BLOC1S6: variants seen among roughly 807,000 people sequenced by gnomAD.
The protein encoded by BLOC1S6 is biogenesis of lysosomal organelles complex 1 subunit 6.
BLOC1S6 carries 24 observed loss-of-function variants against 24.7 expected under a neutral mutation model. The ratio of observed to expected loss-of-function variants is 0.97; its 90% CI spans 0.70 to 1.37. The LOEUF (loss-of-function observed/expected upper bound fraction) is 1.37. Ranked by LOEUF, BLOC1S6 falls within the 40% of genes most tolerant of loss-of-function variation. BLOC1S6 has a pLI of 0.00. For synonymous variants in BLOC1S6, 76 were observed against 72.6 expected, an observed-to-expected ratio of 1.05 and a Z score of -0.23; for missense variants, 175 against 196.2, an observed-to-expected ratio of 0.89 and a Z score of 0.64.
chr15:45,605,847 C>T, intron 4 of BLOC1S6: 1 of 306,166 alleles, frequency 3.3e-6, no homozygotes, highest in South Asian at 3.3e-5. Context: ...GCCTTGGCCT[C>T]CCAAAGTGCT....
At chr15:45,596,594 G>T (rs1010291817) in intron 2 of BLOC1S6, among the ~76,000 whole-genome samples, 2 of 152,082 alleles carry the variant, frequency 1.3e-5, no homozygotes, top group South Asian at 2.1e-4. Flanking sequence ...ATTTAATAAG[G>T]GTTTTCTATT....
At chr15:45,605,162 C>A (rs1272985893) in intron 3 of BLOC1S6, among the ~76,000 whole-genome samples, 2 of 152,148 alleles carry the variant, frequency 1.3e-5, no homozygotes, top group East Asian at 3.8e-4. Context: ...GTTTTTAAAG[C>A]AAAATATTGT....
intron 1 of BLOC1S6, 73 bp downstream of exon 1, chr15:45,587,598 G>A (rs1893724773): frequency 2.1e-6 from 3 of 1,415,690 alleles, no homozygotes; most frequent in Non-Finnish European, 2.9e-6. Context: ...GTAGAACTCC[G>A]GAGAAACCCT....
upstream of BLOC1S6, chr15:45,587,130 C>T (rs1217048622): frequency 4.5e-6 from 2 of 442,934 alleles, no homozygotes; most frequent in African/African-American, 2.0e-5. Context: ...GTGACCCACC[C>T]CGTGAGCAGC....
intron 2 of BLOC1S6, among the ~76,000 whole-genome samples, chr15:45,594,958 G>A (rs551031691): frequency 2.2e-4 from 34 of 152,168 alleles, no homozygotes; most frequent in Admixed American, 1.8e-3. Flanking sequence ...AATTATAGTT[G>A]TATTATAAAG....
intron 2 of BLOC1S6, among the ~76,000 whole-genome samples, chr15:45,602,103 C>T (rs1280725444): frequency 1.3e-5 from 2 of 151,820 alleles, no homozygotes; most frequent in East Asian, 1.9e-4. Flanking sequence ...GCTTTGTTGT[C>T]CACGCTGGTC....
chr15:45,587,665 A>G, intron 1 of BLOC1S6, 140 bp downstream of exon 1: 2 of 863,286 alleles, frequency 2.3e-6, no homozygotes, highest in Non-Finnish European at 1.9e-6. Context: ...CGAGTGCAGA[A>G]ATGGGGAACC....
At chr15:45,587,839 G>C (rs1300798733) in intron 1 of BLOC1S6, 1 of 686,222 alleles carries the variant, frequency 1.5e-6, no homozygotes, top group South Asian at 1.5e-5. Flanking sequence ...GTGGGGGATG[G>C]ATTTACCAGA....
chr15:45,594,650 C>T (rs867701535), intron 2 of BLOC1S6, among the ~76,000 whole-genome samples: 1 of 151,462 alleles, frequency 6.6e-6, no homozygotes, highest in African/African-American at 2.4e-5. Context: ...GTGGTGGGAT[C>T]TCGGCTCACT....
rs1222048695 is a variant in BLOC1S6 at position 45,607,801 on chromosome 15, G to A, written c.*1287G>A. ...AAAAAAGAAAAAAAAATTTCTTGAAGTGGAATGATGTACACCAAATACCCA... is the reference window on the plus strand; with the variant it reads ...AAAAAAGAAAAAAAAATTTCTTGAAATGGAATGATGTACACCAAATACCCA... On this transcript the variant is annotated 3_prime_UTR_variant, in exon 5 of 5. Coordinates refer to ENST00000220531, the MANE Select transcript of BLOC1S6 (RefSeq NM_012388.4). 6.6e-5 allele frequency: 10 copies of A among 152,240 alleles called. No homozygotes were observed. The highest frequency in any genetic ancestry group is 3.9e-4 in the Admixed American group (6 of 15,284). The allele number at this position is 152,240 out of a possible 1,614,324, so 9.4% of individuals were successfully genotyped here. A position where few individuals can be genotyped will look rare whatever the true frequency, so the allele number is the denominator to read the frequency against.
Position 45,608,352 on chromosome 15 carries a change from A to G in BLOC1S6, c.*1838A>G, listed in dbSNP as rs1894552435. ...CCTCAAACACTTGCTAAAACTGCCTAGGGCAGGATTCATTAGGGCTTGCAG... is the reference window on the plus strand; with the variant it reads ...CCTCAAACACTTGCTAAAACTGCCTGGGGCAGGATTCATTAGGGCTTGCAG... On this transcript the variant is annotated 3_prime_UTR_variant, in exon 5 of 5. Coordinates refer to ENST00000220531, the MANE Select transcript of BLOC1S6 (RefSeq NM_012388.4). 6.6e-6 allele frequency: 1 copy of G among 152,240 alleles called. No homozygotes were observed. Among genetic ancestry groups the G allele is most frequent in the South Asian group, 2.1e-4 (1 of 4,834 alleles). The allele number at this position is 152,240 out of a possible 1,614,324, so 9.4% of individuals were successfully genotyped here. A position where few individuals can be genotyped will look rare whatever the true frequency, so the allele number is the denominator to read the frequency against.
chr15:45,591,549 C>T (rs1893885416), intron 1 of BLOC1S6, among the ~76,000 whole-genome samples: 1 of 152,192 alleles, frequency 6.6e-6, no homozygotes, highest in Non-Finnish European at 1.5e-5. Context: ...CCTCCCACCT[C>T]AGCCTCCTGA....
In BLOC1S6 at chr15:45,609,084, A is replaced by G. The variant is rs944779796; in HGVS notation, c.*2570A>G. ...AAATAAATATATATTAGTATCCTTT[A>G]TTTTAAAGTCAATTGTAAACCAGAA... On this transcript the variant is annotated 3_prime_UTR_variant, in exon 5 of 5. Coordinates refer to ENST00000220531, the MANE Select transcript of BLOC1S6 (RefSeq NM_012388.4). 1.3e-5 allele frequency: 2 copies of G among 152,224 alleles called. No homozygotes were observed. Among genetic ancestry groups the G allele is most frequent in the Non-Finnish European group, 2.9e-5 (2 of 68,042 alleles). 9.4% of individuals were successfully genotyped at this position (152,224 alleles called of 1,614,324 possible).
intron 3 of BLOC1S6, among the ~76,000 whole-genome samples, 184 bp from the exon 4 acceptor site, chr15:45,605,244 G>A (rs1894407424): frequency 6.6e-6 from 1 of 152,144 alleles, no homozygotes; most frequent in South Asian, 2.1e-4. Context: ...TAAATCAAAT[G>A]TCTTTCAAAT....
chr15:45,596,682 T>C (rs1894089797), intron 2 of BLOC1S6, among the ~76,000 whole-genome samples: 2 of 151,894 alleles, frequency 1.3e-5, no homozygotes, highest in South Asian at 4.1e-4. Flanking sequence ...GTTGTTGTCA[T>C]TGTTTGTTTT....
chr15:45,599,516 C>T (rs1314571120), intron 2 of BLOC1S6: 3 of 130,804 alleles, frequency 2.3e-5, no homozygotes, highest in East Asian at 2.0e-4. Context: ...AAAAAGTGGG[C>T]GAAGGACATG....
chr15:45,595,376 G>C (rs1445937863), intron 2 of BLOC1S6, among the ~76,000 whole-genome samples: 2 of 152,168 alleles, frequency 1.3e-5, no homozygotes, highest in Non-Finnish European at 2.9e-5. Context: ...AAATTCCAAG[G>C]ATTTTAGAAG....
chr15:45,599,643 A>G (rs1202176308), intron 2 of BLOC1S6: 2 of 81,542 alleles, frequency 2.5e-5, no homozygotes, highest in Non-Finnish European at 4.5e-5. Context: ...ATCATCTCAC[A>G]CCAGTTAGAA....
rs199858299 is a variant in BLOC1S6, at chr15:45,606,508, G to A, written c.513G>A (p.Arg171=). The change falls in exon 5 of 5, where the codon AGG becomes AGA. Residue 171 remains arginine, a synonymous_variant. Coordinates refer to ENST00000220531, the MANE Select transcript of BLOC1S6 (RefSeq NM_012388.4). ...EKQLTARPAK[R]M is the part of the protein sequence containing the mutation. ...AGTTAACTGCCAGACCAGCCAAAAG[G>A]ATGTGAAAAGTTGTGTTTGTGTGTT... is the stretch of plus-strand genomic sequence containing the variant. 3.1e-6 allele frequency: 5 copies of A among 1,614,090 alleles called. No individual in the cohort carries two copies. Among genetic ancestry groups the A allele is most frequent in the Non-Finnish European group, 4.2e-6 (5 of 1,180,020 alleles).
Sources: gnomAD v4.1 joint callset for allele counts (sites outside exome capture counted in the v4.1 genomes callset) on GRCh38, gnomAD v4.1.1 for gene constraint, MANE v1.5 for transcripts, NCBI Gene and HGNC (gene_info 2026-07-23, HGNC 2026-07-21) for gene names.